Variants in PTPRN2 observed in about 807,000 individuals in gnomAD.
The protein encoded by PTPRN2 is protein tyrosine phosphatase receptor type N2.
PTPRN2 carries 74 observed loss-of-function variants against 118.8 expected under a neutral mutation model. That is an observed-to-expected ratio of 0.62 (90% CI 0.52 to 0.76). PTPRN2 has a LOEUF of 0.76. Among genes scored for constraint, PTPRN2 ranks in the 30% least tolerant of loss-of-function variants. PTPRN2 has a pLI of 0.00. For missense variants in PTPRN2, 1,481 were observed against 1,394.4 expected, an observed-to-expected ratio of 1.06 and a Z score of -0.99; for synonymous variants, 641 against 608.0, an observed-to-expected ratio of 1.05 and a Z score of -0.80.
chr7:158,217,871 A>C (rs2150783149), intron 3 of PTPRN2, among the ~76,000 whole-genome samples: 1 of 152,234 alleles, frequency 6.6e-6, no homozygotes, highest in East Asian at 1.9e-4. Flanking sequence ...CTTTCAAATC[A>C]ACACAGGCAG....
At chr7:158,050,699 A>T (rs752726463) in intron 11 of PTPRN2, among the ~76,000 whole-genome samples, 6 of 152,064 alleles carry the variant, frequency 3.9e-5, no homozygotes, top group Non-Finnish European at 7.4e-5. Context: ...TCTGCAGAAG[A>T]CTCAGGCCAG....
intron 11 of PTPRN2, among the ~76,000 whole-genome samples, chr7:157,979,817 A>G (rs1803003976): frequency 6.6e-6 from 1 of 152,220 alleles, no homozygotes; most frequent in African/African-American, 2.4e-5. Context: ...CACAGGCATA[A>G]GAGGTCCCTC....
chr7:158,208,981 G>A (rs950573762), intron 3 of PTPRN2, among the ~76,000 whole-genome samples: 7 of 152,094 alleles, frequency 4.6e-5, no homozygotes, highest in South Asian at 2.1e-4. Context: ...GTTGTCATCC[G>A]TTTAAAATAA....
In PTPRN2 at chr7:157,801,452, C is replaced by T. The variant is rs1482384261; in HGVS notation, c.1788+97221G>A. ...CCCAGGTGCGGGGGATATTATCCTCCCCGTGAGAGCAGCTGCATGGATTTT... is the reference window on the plus strand; with the variant it reads ...CCCAGGTGCGGGGGATATTATCCTCTCCGTGAGAGCAGCTGCATGGATTTT... On this transcript the variant is annotated intron_variant, in intron 12 of 22. Transcript: ENST00000389418. The surrounding 1 kb of genome is among the most constrained non-coding windows in gnomAD (Gnocchi z 4.2). Among the ~76,000 whole-genome samples, 1 of 152,042 alleles carries T rather than the reference C, an allele frequency of 6.6e-6. No homozygotes were observed.
chr7:157,983,270 C>T (rs1257391052), intron 11 of PTPRN2, among the ~76,000 whole-genome samples: 14 of 65,322 alleles, frequency 2.1e-4, no homozygotes, highest in East Asian at 4.9e-4. Flanking sequence ...GTCACAGAGA[C>T]GAGGAGGGGA....
chr7:158,524,930 T>C (rs1437051002), intron 1 of PTPRN2, among the ~76,000 whole-genome samples: 2 of 152,166 alleles, frequency 1.3e-5, no homozygotes, highest in African/African-American at 2.4e-5. Context: ...GGGCCCACTG[T>C]AGTTCCGATG....
chr7:157,983,783 T>C (rs910015635), intron 11 of PTPRN2, among the ~76,000 whole-genome samples: 1 of 152,222 alleles, frequency 6.6e-6, no homozygotes, highest in Non-Finnish European at 1.5e-5. Context: ...GGAGGAGCGT[T>C]ACGGACAACT....
In PTPRN2 at chr7:158,263,063, G is replaced by C. The variant is rs111717611; in HGVS notation, c.277+53756C>G. Among the ~76,000 whole-genome samples the C allele has an allele frequency of 9.7e-3, 1,332 of 137,794 alleles. 23 individuals carry two copies. Among genetic ancestry groups the C allele is most frequent in the African/African-American group, 0.035 (1,252 of 35,996 alleles). The allele number at this position is 137,794 out of a possible 152,430, so 90.4% of individuals were successfully genotyped here. The stretch of plus-strand genomic sequence containing the variant: ...CAAAATGCACATATACATTCACATT[G>C]CACACACACATCACACACACCACAC... On this transcript the variant is annotated intron_variant, in intron 3 of 22. Coordinates refer to ENST00000389418, the MANE Select transcript of PTPRN2 (RefSeq NM_002847.5).
At chr7:158,232,778 G>T (rs1211114305) in intron 3 of PTPRN2, among the ~76,000 whole-genome samples, 1 of 152,088 alleles carries the variant, frequency 6.6e-6, no homozygotes, top group Non-Finnish European at 1.5e-5. Context: ...TTCAAAATAT[G>T]CATATCAATA....
chr7:157,707,373 G>A (rs1016407635), intron 12 of PTPRN2, among the ~76,000 whole-genome samples: 2 of 151,880 alleles, frequency 1.3e-5, no homozygotes, highest in Non-Finnish European at 2.9e-5. Context: ...CACATCACAC[G>A]TGCATGGACA....
At chr7:157,736,297 G>C (rs1800292522) in intron 12 of PTPRN2, among the ~76,000 whole-genome samples, 1 of 152,166 alleles carries the variant, frequency 6.6e-6, no homozygotes, top group African/African-American at 2.4e-5. Context: ...GTTATAGGCT[G>C]AATTGTGACC....
intron 12 of PTPRN2, among the ~76,000 whole-genome samples, chr7:157,890,898 C>T (rs1347285341): frequency 6.6e-6 from 1 of 152,224 alleles, no homozygotes; most frequent in Non-Finnish European, 1.5e-5. Context: ...CCACCTGAAA[C>T]ATTTAATGTG....
At chr7:158,119,985 C>T (rs940261123) in intron 9 of PTPRN2, among the ~76,000 whole-genome samples, 4 of 152,134 alleles carry the variant, frequency 2.6e-5, no homozygotes, top group African/African-American at 4.8e-5. Flanking sequence ...AGGAGCAAAG[C>T]GTGGCCTGCA....
At chr7:157,726,684 G>A (rs148457069) in intron 12 of PTPRN2, among the ~76,000 whole-genome samples, 11 of 152,342 alleles carry the variant, frequency 7.2e-5, no homozygotes, top group African/African-American at 2.2e-4. Context: ...ACGTTTGTGC[G>A]TCAAAGCGCA....
intron 2 of PTPRN2, among the ~76,000 whole-genome samples, chr7:158,368,332 G>T (rs931368268): frequency 2.8e-4 from 43 of 152,302 alleles, no homozygotes; most frequent in African/African-American, 1.0e-3. Context: ...TGACTTCAGA[G>T]AAGCAAATCT....
At position 158,273,581 on chromosome 7, in the gene PTPRN2, CGCAG is replaced by C. The variant is rs1563073015; in HGVS notation, c.277+43234_277+43237del. Among the ~76,000 whole-genome samples, 205 of 89,926 alleles carry C rather than the reference CGCAG, an allele frequency of 2.3e-3. 56 individuals carry two copies. The highest frequency in any genetic ancestry group is 8.6e-3 in the Middle Eastern group (1 of 116). 59.0% of individuals were successfully genotyped at this position (89,926 alleles called of 152,430 possible). On this transcript the variant is annotated intron_variant, in intron 3 of 22. Coordinates refer to ENST00000389418, the MANE Select transcript of PTPRN2 (RefSeq NM_002847.5). ...GGGGAGCCGCAGGCACAGGGGGAGC[CGCAG>C]ACAGACATGGGAGGAGCCGCAGACA...
intron 11 of PTPRN2, among the ~76,000 whole-genome samples, chr7:158,075,791 C>T (rs941231463): frequency 1.3e-5 from 2 of 152,358 alleles, no homozygotes; most frequent in Non-Finnish European, 2.9e-5. Context: ...CTCATGGCTG[C>T]GGAGCAGCAG....
At chr7:158,204,865 G>A (rs1442158743) in intron 4 of PTPRN2, among the ~76,000 whole-genome samples, 5 of 152,178 alleles carry the variant, frequency 3.3e-5, no homozygotes, top group Admixed American at 2.0e-4. Flanking sequence ...ATTTCTTACT[G>A]AGAAATGAGA....
intron 1 of PTPRN2, among the ~76,000 whole-genome samples, chr7:158,569,864 G>C (rs1399232530): frequency 6.6e-6 from 1 of 150,794 alleles, no homozygotes; most frequent in African/African-American, 2.4e-5. Flanking sequence ...TGACTGACAG[G>C]AACGCGGGGC....
Sources: gnomAD v4.1 joint callset for allele counts (sites outside exome capture counted in the v4.1 genomes callset) on GRCh38, gnomAD v4.1.1 for gene constraint, Gnocchi (gnomAD v3.1) non-coding constraint, MANE v1.5 for transcripts, NCBI Gene and HGNC (gene_info 2026-07-23, HGNC 2026-07-21) for gene names.